The following FMN1 variants were observed in gnomAD, a reference collection of about 807,000 sequenced individuals.
FMN1 encodes the protein formin 1, also known as formin-1.
Under a neutral mutation model 132.4 loss-of-function variants are expected in FMN1, and 110 were observed. The observed-to-expected ratio is 0.83, with a 90% CI of 0.71 to 0.97. The LOEUF is 0.97. Among genes scored for constraint, FMN1 ranks in the 50% least tolerant of loss-of-function variants. FMN1 has a pLI of 0.00. For missense variants in FMN1, 1,792 were observed against 1,705.3 expected, an observed-to-expected ratio of 1.05 and a Z score of -0.90; for synonymous variants, 722 against 651.7, an observed-to-expected ratio of 1.11 and a Z score of -1.64.
At chr15:32,922,249 A>C (rs1203609021) in intron 10 of FMN1, among the ~76,000 whole-genome samples, 1 of 152,222 alleles carries the variant, frequency 6.6e-6, no homozygotes, top group African/African-American at 2.4e-5. Context: ...GCAGGCAAGC[A>C]GGCAGTTTTG....
At chr15:33,097,838 G>A (rs532304722) in intron 4 of FMN1, among the ~76,000 whole-genome samples, 1 of 152,218 alleles carries the variant, frequency 6.6e-6, no homozygotes, top group African/African-American at 2.4e-5. Flanking sequence ...TCCTTTCTTA[G>A]TAATTACAAC....
chr15:33,148,386 C>T (rs1964312066), intron 4 of FMN1, among the ~76,000 whole-genome samples: 1 of 152,206 alleles, frequency 6.6e-6, no homozygotes, highest in Non-Finnish European at 1.5e-5. Context: ...AATTCATCCC[C>T]CTCATCCAGA....
At chr15:32,832,692 C>T (rs574831565) in intron 17 of FMN1, among the ~76,000 whole-genome samples, 45 of 152,176 alleles carry the variant, frequency 3.0e-4, no homozygotes, top group African/African-American at 1.0e-3. Flanking sequence ...GCAGGGGAAT[C>T]GCTTGAACCC....
intron 15 of FMN1, among the ~76,000 whole-genome samples, chr15:32,894,311 C>T (rs2060101483): frequency 6.6e-6 from 1 of 151,806 alleles, no homozygotes; most frequent in Admixed American, 6.6e-5. Context: ...ATAGTGAAAC[C>T]CCGTTTCTGC....
intron 9 of FMN1, among the ~76,000 whole-genome samples, chr15:32,957,298 CT>C (rs869111673): frequency 0.055 from 4,637 of 83,920 alleles, 246 homozygotes; most frequent in African/African-American, 0.12. Context: ...CAGAGCAGTT[CT>C]TTTTTTTTTT....
intron 5 of FMN1, chr15:33,066,866 G>A (rs768408078): frequency 6.2e-7 from 1 of 1,614,010 alleles, no homozygotes; most frequent in South Asian, 1.1e-5. Flanking sequence ...CTCCAGGAGA[G>A]TGGGAGTGGC....
At chr15:33,015,545 G>T (rs1024948265) in intron 6 of FMN1, among the ~76,000 whole-genome samples, 2 of 152,074 alleles carry the variant, frequency 1.3e-5, no homozygotes, top group South Asian at 4.1e-4. Context: ...GGGCAAAACT[G>T]GATTATGTAC....
At chr15:33,007,708 C>G (rs1213800112) in intron 7 of FMN1, among the ~76,000 whole-genome samples, 2 of 152,076 alleles carry the variant, frequency 1.3e-5, no homozygotes, top group Non-Finnish European at 2.9e-5. Flanking sequence ...GAAAAAAAAA[C>G]TTCTACTATA....
At chr15:32,898,430 T>TA (rs1307015167) in intron 15 of FMN1, among the ~76,000 whole-genome samples, 1 of 152,232 alleles carries the variant, frequency 6.6e-6, no homozygotes, top group East Asian at 1.9e-4. Flanking sequence ...AGTCTGTTCA[T>TA]AGATTCATTA....
intron 4 of FMN1, among the ~76,000 whole-genome samples, chr15:33,091,829 T>G: frequency 6.6e-6 from 1 of 152,276 alleles, no homozygotes; most frequent in Non-Finnish European, 1.5e-5. Flanking sequence ...TCATCTGAAA[T>G]TAGATAAATA....
intron 4 of FMN1, among the ~76,000 whole-genome samples, chr15:33,112,593 A>AC (rs2039752286): frequency 6.6e-6 from 1 of 152,174 alleles, no homozygotes; most frequent in Non-Finnish European, 1.5e-5. Context: ...AAAACACTCC[A>AC]AAGATATTAG....
chr15:32,970,592 C>G (rs2031697552), intron 7 of FMN1: 1 of 152,180 alleles, frequency 6.6e-6, no homozygotes, highest in Non-Finnish European at 1.5e-5. Flanking sequence ...AATTTCAGCA[C>G]AAATATCTAG....
chr15:33,167,890 A>G (rs577024936), intron 3 of FMN1, among the ~76,000 whole-genome samples: 2 of 152,302 alleles, frequency 1.3e-5, no homozygotes, highest in Admixed American at 1.3e-4. Context: ...AAGGAAGAGG[A>G]GGGGTCTTGC....
chr15:32,830,347 C>A (rs1303067960), intron 17 of FMN1, among the ~76,000 whole-genome samples: 1 of 152,102 alleles, frequency 6.6e-6, no homozygotes, highest in African/African-American at 2.4e-5. Context: ...TTCTCTTCTT[C>A]ATTAGTTTGA....
At position 32,804,350 on chromosome 15, in the gene FMN1, T is replaced by G; in HGVS notation, c.3929-18A>C. 6.5e-7 allele frequency: 1 copy of G among 1,528,978 alleles called. No individual in the cohort carries two copies. Among genetic ancestry groups the G allele is most frequent in the East Asian group, 2.5e-5 (1 of 40,108 alleles). The allele number at this position is 1,528,978 out of a possible 1,614,324, so 94.7% of individuals were successfully genotyped here. A position where few individuals can be genotyped will look rare whatever the true frequency, so the allele number is the denominator to read the frequency against. On this transcript the variant is annotated intron_variant, in intron 17 of 20. Coordinates refer to ENST00000616417, the MANE Select transcript of FMN1 (RefSeq NM_001277313.2). ...TTTTTTGGCTGTAAAAGATAAATCA[T>G]GATTAAAAATTTTTTCTTCTGTTGT... is the stretch of plus-strand genomic sequence containing the variant.
chr15:32,857,071 G>C lies in FMN1; in HGVS notation c.3872C>G (p.Ser1291Cys). The stretch of plus-strand genomic sequence containing the variant: ...GAAAGGCTGGAGATACTCCTTTGGG[G>C]ACTCCTTGCACACCACCACCATCTG... Reference protein sequence around the residue: ...EKQMVVVCKESPKEYLQPFKD... With the variant: ...EKQMVVVCKECPKEYLQPFKD... The change falls in exon 17 of 21, where the codon TCC (serine) becomes TGC (cysteine). Residue 1291 changes from serine (S) to cysteine (C), a missense_variant. This residue lies in a region of FMN1 where 1,150 missense variants were observed against 1,043.1 expected (regional missense o/e 1.10). Transcript: ENST00000616417. 3.1e-6 allele frequency: 5 copies of C among 1,613,860 alleles called. No homozygotes were observed. The highest frequency in any genetic ancestry group is 4.2e-6 in the Non-Finnish European group (5 of 1,179,754).
intron 17 of FMN1, among the ~76,000 whole-genome samples, chr15:32,836,037 T>G (rs1004873281): frequency 2.0e-5 from 3 of 152,008 alleles, no homozygotes; most frequent in Non-Finnish European, 4.4e-5. Context: ...GTTTTTAAAA[T>G]TTTTTGTAGG....
At chr15:32,962,829 A>G (rs1237825865) in intron 9 of FMN1, among the ~76,000 whole-genome samples, 1 of 151,818 alleles carries the variant, frequency 6.6e-6, no homozygotes, top group Non-Finnish European at 1.5e-5. Flanking sequence ...CAATCATTAA[A>G]AAGTCAGGAA....
intron 7 of FMN1, among the ~76,000 whole-genome samples, chr15:32,989,895 A>G (rs1234843999): frequency 6.6e-6 from 1 of 152,140 alleles, no homozygotes; most frequent in African/African-American, 2.4e-5. Context: ...GTTTTAGGAG[A>G]ACCATGACAC....
Sources: gnomAD v4.1 joint callset for allele counts (sites outside exome capture counted in the v4.1 genomes callset) on GRCh38, gnomAD v4.1.1 for gene constraint, gnomAD v4.1.1 regional missense constraint, MANE v1.5 for transcripts, NCBI Gene and HGNC (gene_info 2026-07-23, HGNC 2026-07-21) for gene names.